Variants in FARS2 observed in about 807,000 individuals in gnomAD.
FARS2 encodes the protein phenylalanyl-tRNA synthetase 2, mitochondrial.
A neutral mutation model predicts 46.4 loss-of-function variants in FARS2; 40 were observed. The observed-to-expected ratio is 0.86, with a 90% confidence interval of 0.67 to 1.12. The LOEUF (loss-of-function observed/expected upper bound fraction) is 1.12. FARS2 is among the 50% of genes most tolerant of loss of function. The pLI is 0.00. For missense variants in FARS2, 513 were observed against 567.9 expected, an observed-to-expected ratio of 0.90 and a Z score of 0.98; for synonymous variants, 234 against 214.9, an observed-to-expected ratio of 1.09 and a Z score of -0.78.
Position 5,720,446 on chromosome 6 carries a change from A to T in FARS2, c.1218-50845A>T, listed in dbSNP as rs1759815055. ...TAATTGATCAGTTTTCCAGATGTTAATTGGAGATGTTTTGAAAGAGAGAAG... is the reference window on the plus strand; with the variant it reads ...TAATTGATCAGTTTTCCAGATGTTATTTGGAGATGTTTTGAAAGAGAGAAG... On this transcript the variant is annotated intron_variant, in intron 6 of 6. Coordinates refer to ENST00000274680, the MANE Select transcript of FARS2 (RefSeq NM_006567.5). Among the ~76,000 whole-genome samples the T allele has an allele frequency of 2.6e-5, 4 of 152,206 alleles. 1 individual carries two copies. In the South Asian group the frequency reaches 8.3e-4, roughly 32 times the overall value.
At chr6:5,591,172 TC>T (rs1190413244) in intron 5 of FARS2, among the ~76,000 whole-genome samples, 1 of 152,230 alleles carries the variant, frequency 6.6e-6, no homozygotes, top group African/African-American at 2.4e-5. Context: ...TACCATTTCA[TC>T]TTTTTTGACA....
chr6:5,760,553 C>T (rs184564641), intron 6 of FARS2, among the ~76,000 whole-genome samples: 1 of 152,296 alleles, frequency 6.6e-6, no homozygotes, highest in Non-Finnish European at 1.5e-5. Flanking sequence ...CCAGTTTTTC[C>T]TGTCGCTTTC....
chr6:5,432,729 C>T (rs138655869), intron 4 of FARS2, among the ~76,000 whole-genome samples: 60 of 151,540 alleles, frequency 4.0e-4, no homozygotes, highest in Non-Finnish European at 6.9e-4. Context: ...CAGGGTTCAC[C>T]GCCCAGCCTC....
intron 6 of FARS2, among the ~76,000 whole-genome samples, chr6:5,754,332 G>A (rs534235803): frequency 6.6e-6 from 1 of 152,318 alleles, no homozygotes; most frequent in African/African-American, 2.4e-5. Context: ...TGGGAAGCCT[G>A]AGACTGATTG....
At chr6:5,674,459 C>T (rs1401413158) in intron 6 of FARS2, among the ~76,000 whole-genome samples, 1 of 152,104 alleles carries the variant, frequency 6.6e-6, no homozygotes, top group African/African-American at 2.4e-5. Flanking sequence ...CTGTAAAGGC[C>T]ACTGGGAATC....
At chr6:5,442,598 A>G (rs894234604) in intron 4 of FARS2, among the ~76,000 whole-genome samples, 1 of 152,134 alleles carries the variant, frequency 6.6e-6, no homozygotes, top group Admixed American at 6.5e-5. Context: ...CTGCCTTATC[A>G]TTCATATTTT....
chr6:5,578,484 C>A (rs184829536), intron 5 of FARS2, among the ~76,000 whole-genome samples: 1 of 151,840 alleles, frequency 6.6e-6, no homozygotes, highest in Non-Finnish European at 1.5e-5. Context: ...TTTTTTTTAA[C>A]GTTATTTTCA....
rs532209087 is a variant in FARS2, at chr6:5,436,605, G to A, written c.904+5433G>A. ...GCATATAAATGCATTTTGTGAGAAC[G>A]AGCTTTGTGAGATGAGAAAAGGGAA... On this transcript the variant is annotated intron_variant, in intron 4 of 6. Transcript: ENST00000274680. 8.5e-5 allele frequency among the ~76,000 whole-genome samples: 13 copies of A among 152,288 alleles called. No homozygotes were observed. In the East Asian group the frequency reaches 1.7e-3, roughly 20 times the overall value.
At chr6:5,438,152 T>C (rs1368863236) in intron 4 of FARS2, among the ~76,000 whole-genome samples, 1 of 151,830 alleles carries the variant, frequency 6.6e-6, no homozygotes, top group South Asian at 2.1e-4. Context: ...CACTTGTAAA[T>C]ACTAGTATCT....
chr6:5,371,807 A>C (rs1759081771), intron 2 of FARS2, among the ~76,000 whole-genome samples: 2 of 152,128 alleles, frequency 1.3e-5, no homozygotes, highest in African/African-American at 4.8e-5. Flanking sequence ...AATATGGTAA[A>C]TAGAAACCCC....
intron 3 of FARS2, 122 bp downstream of exon 3, chr6:5,404,823 G>A (rs1164633858): frequency 8.7e-6 from 6 of 688,892 alleles, no homozygotes; most frequent in African/African-American, 1.9e-5. Flanking sequence ...TCCCCGAGAC[G>A]GAGTCTTGCT....
intron 3 of FARS2, among the ~76,000 whole-genome samples, chr6:5,405,480 C>CTTTTGTTTTTTTTTTTTT (rs1761519556): frequency 1.7e-5 from 1 of 58,946 alleles, no homozygotes. Flanking sequence ...GAGCAAGGTT[C>CTTTTGTTTTTTTTTTTTT]TTTTTTTTTT....
intron 1 of FARS2, among the ~76,000 whole-genome samples, chr6:5,322,199 G>A (rs1456022615): frequency 6.6e-6 from 1 of 152,168 alleles, no homozygotes. Flanking sequence ...ATGTCCAATA[G>A]GGAAATGATA....
intron 4 of FARS2, among the ~76,000 whole-genome samples, chr6:5,539,995 T>C (rs1770519467): frequency 6.6e-6 from 1 of 152,184 alleles, no homozygotes; most frequent in African/African-American, 2.4e-5. Context: ...CATATTACAG[T>C]GGAGCCTAGA....
At chr6:5,617,305 A>G (rs543744989) in intron 6 of FARS2, among the ~76,000 whole-genome samples, 1 of 152,374 alleles carries the variant, frequency 6.6e-6, no homozygotes, top group African/African-American at 2.4e-5. Context: ...CACTGATCTT[A>G]CAATGTCTTG....
chr6:5,486,608 C>G (rs1766790630), intron 4 of FARS2, among the ~76,000 whole-genome samples: 1 of 152,194 alleles, frequency 6.6e-6, no homozygotes, highest in African/African-American at 2.4e-5. Flanking sequence ...ATAAGCTTCT[C>G]TTTCAATACT....
In FARS2 at chr6:5,626,319, C is replaced by G. The variant is rs150655234; in HGVS notation, c.1217+12999C>G. Among the ~76,000 whole-genome samples, 645 of 152,266 alleles carry G rather than the reference C, an allele frequency of 4.2e-3. 3 individuals carry two copies. The highest frequency in any genetic ancestry group is 0.01 in the Middle Eastern group (3 of 294). On this transcript the variant is annotated intron_variant, in intron 6 of 6. Transcript: ENST00000274680. ...GATATCCCAAGTGCATCGCCACCTA[C>G]CTGCTGTCATGGATCCCAGTATCCC...
chr6:5,268,164 C>G (rs1474715798), intron 1 of FARS2, among the ~76,000 whole-genome samples: 1 of 151,890 alleles, frequency 6.6e-6, no homozygotes. Flanking sequence ...TGCCTGTTCA[C>G]TCTGATGGTA....
At chr6:5,375,736 G>A (rs1759336285) in intron 2 of FARS2, among the ~76,000 whole-genome samples, 1 of 152,004 alleles carries the variant, frequency 6.6e-6, no homozygotes, top group African/African-American at 2.4e-5. Context: ...GGGAGGTGAT[G>A]GATTCTACAT....
Sources: gnomAD v4.1 joint callset for allele counts (sites outside exome capture counted in the v4.1 genomes callset) on GRCh38, gnomAD v4.1.1 for gene constraint, MANE v1.5 for transcripts, NCBI Gene and HGNC (gene_info 2026-07-23, HGNC 2026-07-21) for gene names.